Variants in TULP2 observed in about 807,000 individuals in gnomAD.
The protein encoded by TULP2 is TUB like protein 2, also known as tubby-related protein 2.
TULP2 carries 64 observed loss-of-function variants against 60.3 expected under a neutral mutation model. The observed-to-expected ratio is 1.06, with a 90% CI of 0.87 to 1.31. TULP2 has a LOEUF of 1.31. TULP2 is among the 50% of genes most tolerant of loss of function. The probability of loss-of-function intolerance (pLI) is 0.00; values close to 1 mark genes in which losing one functional copy is unlikely to be tolerated. For missense variants in TULP2, 652 were observed against 667.0 expected (o/e 0.98, Z 0.25); for synonymous variants, 267 against 265.4 (o/e 1.01, Z -0.06).
intron 9 of TULP2, among the ~76,000 whole-genome samples, chr19:48,885,219 A>G (rs1178634139): frequency 6.6e-6 from 1 of 152,058 alleles, no homozygotes; most frequent in East Asian, 1.9e-4. Flanking sequence ...TTTTGGATGC[A>G]ATAATTCACA....
intron 11 of TULP2, among the ~76,000 whole-genome samples, chr19:48,882,465 T>G (rs2037143399): frequency 1.3e-5 from 2 of 152,080 alleles, no homozygotes; most frequent in South Asian, 4.2e-4. Context: ...GAGCATAAAT[T>G]TAATTTCCTC....
chr19:48,895,898 A>T (rs992749228), intron 4 of TULP2, among the ~76,000 whole-genome samples: 7 of 151,716 alleles, frequency 4.6e-5, no homozygotes, highest in African/African-American at 1.7e-4. Context: ...AAAAAAAATC[A>T]CCCTGTTTCG....
At position 48,888,213 on chromosome 19, in the gene TULP2, T is replaced by C. The variant is rs566575857; in HGVS notation, c.685A>G (p.Asn229Asp). The C allele has an allele frequency of 2.5e-6, 4 of 1,612,336 alleles. No homozygotes were observed. The African/African-American group carries it at 5.3e-5, about 21-fold the overall frequency. The change falls in exon 8 of 13, where the codon AAC (asparagine) becomes GAC (aspartate). Residue 229 changes from asparagine to aspartate, a missense_variant. Transcript: ENST00000221399. ...TCTTCGTTGTGTGCTGCTGAGGAGT[T>C]CGTCCCTGTAGACTCAGAGGCCTCT... Reference protein sequence around the residue: ...KREASESTGTNSSAAHNEELS... With the variant: ...KREASESTGTDSSAAHNEELS...
chr19:48,894,446 G>T (rs1358440759), intron 6 of TULP2, among the ~76,000 whole-genome samples: 2 of 152,090 alleles, frequency 1.3e-5, no homozygotes, highest in Non-Finnish European at 2.9e-5. Context: ...TTTAAGACCA[G>T]TCCGGCCAGC....
chr19:48,884,070 G>T, intron 9 of TULP2, 24 bp from the exon 10 acceptor site: 1 of 1,586,322 alleles, frequency 6.3e-7, no homozygotes, highest in Non-Finnish European at 8.7e-7. Context: ...GGAATGGATA[G>T]AATAAAAATA....
intron 11 of TULP2, among the ~76,000 whole-genome samples, chr19:48,883,281 A>C (rs1052701825): frequency 2.0e-5 from 3 of 152,078 alleles, no homozygotes; most frequent in African/African-American, 7.2e-5. Flanking sequence ...AGTTCTGGGA[A>C]TTGCCCACCC....
At position 48,885,511 on chromosome 19, in the gene TULP2, T is replaced by G; in HGVS notation, c.998A>C (p.Tyr333Ser). ...GTGTGTAGGATCCAGGGAGATGAGGTAATTAGAAGTTTTGCTCCTTCTTCT... is the reference window on the plus strand; with the variant it reads ...GTGTGTAGGATCCAGGGAGATGAGGGAATTAGAAGTTTTGCTCCTTCTTCT... ...RKRRRSKTSNYLISLDPTHLS... is the reference protein window; with the variant it reads ...RKRRRSKTSNSLISLDPTHLS... Residue 333 changes from tyrosine (Y) to serine (S), a missense_variant, in exon 9 of 13, where the codon TAC (tyrosine) becomes TCC (serine). Physicochemically the swap from Tyr to Ser is moderately radical, Grantham distance 144. Transcript: ENST00000221399. 6.2e-7 allele frequency: 1 copy of G among 1,613,852 alleles called. No homozygotes were observed. Among genetic ancestry groups the G allele is most frequent in the South Asian group, 1.1e-5 (1 of 91,068 alleles).
At chr19:48,881,288 C>A (rs540554985) in intron 12 of TULP2, among the ~76,000 whole-genome samples, 162 bp from the exon 13 acceptor site, 76 of 147,650 alleles carry the variant, frequency 5.1e-4, no homozygotes, top group Non-Finnish European at 8.5e-4. Flanking sequence ...TGGCTCACTG[C>A]AACCTCCACC....
In TULP2 at chr19:48,882,063, C is replaced by G. The variant is rs759077691; in HGVS notation, c.1416G>C (p.Val472=). 1 of 1,614,238 alleles carries G rather than the reference C, an allele frequency of 6.2e-7. No individual in the cohort carries two copies. Among genetic ancestry groups the G allele is most frequent in the South Asian group, 1.1e-5 (1 of 91,088 alleles). ...TGGGATCCACGATTTGGAAGTTCTT[C>G]ACCGAAGCCCGAGTGACTCGACCAT... ...NFHGRVTRAS[V]KNFQIVDPKH... Residue 472 remains valine (V), a synonymous_variant, in exon 12 of 13, where the codon GTG becomes GTC. Transcript: ENST00000221399.
intron 4 of TULP2, 108 bp downstream of exon 4, chr19:48,896,322 T>A (rs1424367784): frequency 2.9e-6 from 4 of 1,373,966 alleles, no homozygotes; most frequent in South Asian, 3.1e-5. Context: ...CCCCATCCAC[T>A]GCCAAGTCCC....
At chr19:48,882,491 T>A (rs1318288487) in intron 11 of TULP2, among the ~76,000 whole-genome samples, 1 of 152,152 alleles carries the variant, frequency 6.6e-6, no homozygotes, top group Non-Finnish European at 1.5e-5. Flanking sequence ...GGCCATTTTT[T>A]AACTTTCTGC....
intron 6 of TULP2, among the ~76,000 whole-genome samples, chr19:48,891,661 G>C (rs969999377): frequency 6.6e-6 from 1 of 152,174 alleles, no homozygotes; most frequent in Non-Finnish European, 1.5e-5. Context: ...GGAGACGAGC[G>C]GCTGAGAGAA....
intron 6 of TULP2, among the ~76,000 whole-genome samples, chr19:48,894,345 A>G (rs1272964684): frequency 1.3e-5 from 2 of 152,014 alleles, no homozygotes; most frequent in African/African-American, 4.8e-5. Flanking sequence ...TAAATAACAT[A>G]TAACAGCTAT....
At position 48,895,722 on chromosome 19, in the gene TULP2, A is replaced by C. The variant is rs146196978; in HGVS notation, c.212-219T>G. ...TGGAGAAACACCGTCTCTACTAAAA[A>C]CACAAAATTAGCCGGGCTTGGTGGC... On this transcript the variant is annotated intron_variant, in intron 4 of 12. Coordinates refer to ENST00000221399, the MANE Select transcript of TULP2 (RefSeq NM_003323.3). 8.6e-3 allele frequency among the ~76,000 whole-genome samples: 1,306 copies of C among 152,112 alleles called. 7 individuals carry two copies. Among genetic ancestry groups the C allele is most frequent in the Non-Finnish European group, 0.014 (971 of 67,980 alleles).
intron 11 of TULP2, among the ~76,000 whole-genome samples, chr19:48,883,168 G>A (rs533954054): frequency 1.3e-3 from 193 of 151,082 alleles, no homozygotes; most frequent in Non-Finnish European, 2.2e-3. Flanking sequence ...GCAGTGAGCC[G>A]AGATCGCGCC....
chr19:48,882,173 G>T lies in TULP2; in HGVS notation c.1306C>A (p.Arg436Ser). ...AAAAGCAACCCTTGTTTGTCCCCAC[G>T]TTGGTAACGACTCAGTAGCGACTCC... Reference protein sequence around the residue: ...EQESLLSRYQRGDKQGLLLLH... With the variant: ...EQESLLSRYQSGDKQGLLLLH... The change falls in exon 12 of 13, where the codon CGT becomes AGT. Residue 436 changes from arginine (R) to serine (S), a missense_variant. Physicochemically the swap from Arg to Ser is moderately radical, Grantham distance 110. Transcript: ENST00000221399. 9.9e-6 allele frequency: 16 copies of T among 1,614,120 alleles called. No homozygotes were observed. Among genetic ancestry groups the T allele is most frequent in the Non-Finnish European group, 1.2e-5 (14 of 1,180,016 alleles).
Position 48,880,976 on chromosome 19 carries a change from T to A in TULP2, c.*35A>T, listed in dbSNP as rs757041359. The stretch of plus-strand genomic sequence containing the variant: ...GAGGAGGCACAGAAGCTGGCAAGGG[T>A]ATGGTATTTTATTGAGTTATTCAAC... On this transcript the variant is annotated 3_prime_UTR_variant, in exon 13 of 13. Transcript: ENST00000221399. 6.4e-7 allele frequency: 1 copy of A among 1,553,590 alleles called. No individual in the cohort carries two copies. The highest frequency in any genetic ancestry group is 1.1e-5 in the South Asian group (1 of 89,852).
At chr19:48,888,850 G>C (rs1263102310) in intron 7 of TULP2, among the ~76,000 whole-genome samples, 1 of 152,124 alleles carries the variant, frequency 6.6e-6, no homozygotes, top group Non-Finnish European at 1.5e-5. Flanking sequence ...TGGAACTCCT[G>C]ACCTCAGGTG....
intron 9 of TULP2, 110 bp downstream of exon 9, chr19:48,885,337 TG>T: frequency 1.2e-6 from 1 of 831,522 alleles, no homozygotes. Context: ...TCAGTTCTTC[TG>T]GTCCCTGAGC....
Sources: gnomAD v4.1 joint callset for allele counts (sites outside exome capture counted in the v4.1 genomes callset) on GRCh38, gnomAD v4.1.1 for gene constraint, MANE v1.5 for transcripts, NCBI Gene and HGNC (gene_info 2026-07-23, HGNC 2026-07-21) for gene names.